IRF2: variants seen among roughly 807,000 people sequenced by gnomAD.
IRF2 encodes interferon regulatory factor 2.
A neutral mutation model predicts 40.6 loss-of-function variants in IRF2; 15 were observed. The observed-to-expected ratio is 0.37, with a 90% CI of 0.25 to 0.57. The LOEUF is 0.57. Ranked by LOEUF, IRF2 falls within the 20% of genes least tolerant of loss-of-function variation. IRF2 has a pLI of 0.77. For missense variants in IRF2, 317 were observed against 455.7 expected, an observed-to-expected ratio of 0.70 and a Z score of 2.77; for synonymous variants, 151 against 165.5, an observed-to-expected ratio of 0.91 and a Z score of 0.67.
At chr4:184,438,782 A>G (rs1388704297) in intron 1 of IRF2, among the ~76,000 whole-genome samples, 1 of 152,216 alleles carries the variant, frequency 6.6e-6, no homozygotes, top group Non-Finnish European at 1.5e-5. Context: ...GTAGAAATAA[A>G]ATGTACAAGA....
rs754190664 is a variant in IRF2, at chr4:184,419,580, A to AT, written c.88-13_88-12insA. 7 of 1,568,308 alleles carry AT rather than the reference A, an allele frequency of 4.5e-6. No individual in the cohort carries two copies. Among genetic ancestry groups the AT allele is most frequent in the Non-Finnish European group, 5.2e-6 (6 of 1,151,428 alleles). ...AAAATCTTCTTTTCCTGAAAAAAAA[A>AT]AAAAAAAAAAAGGTAAAGAACTGGA... is the stretch of plus-strand genomic sequence containing the variant. On this transcript the variant is annotated splice_polypyrimidine_tract_variant and intron_variant, in intron 2 of 8. Transcript: ENST00000393593.
intron 5 of IRF2, among the ~76,000 whole-genome samples, chr4:184,416,594 A>G (rs1737285257): frequency 6.6e-6 from 1 of 152,314 alleles, no homozygotes; most frequent in African/African-American, 2.4e-5. Context: ...TTGAGAAATT[A>G]CTGTGAACTT....
intron 1 of IRF2, among the ~76,000 whole-genome samples, chr4:184,450,345 A>G (rs752136852): frequency 1.7e-4 from 26 of 152,312 alleles, no homozygotes; most frequent in Admixed American, 3.3e-4. Context: ...AGTTATTTCA[A>G]TCTTTGGAAT....
rs764746702 is a variant in IRF2 at position 184,413,083 on chromosome 4, C to A, written c.412-4808G>T. Among the ~76,000 whole-genome samples, 4 of 152,214 alleles carry A rather than the reference C, an allele frequency of 2.6e-5. No individual in the cohort carries two copies. Among genetic ancestry groups the A allele is most frequent in the Admixed American group, 6.5e-5 (1 of 15,284 alleles). On this transcript the variant is annotated intron_variant, in intron 5 of 8. Transcript: ENST00000393593. This position sits in a 1 kb window ranked among gnomAD's most constrained non-coding sequence, Gnocchi z 4.2. The stretch of plus-strand genomic sequence containing the variant: ...AAAACGCCGGGGCCTCCTCTTTAGG[C>A]CGCTCTTATCTGCATCCTCCGTACC...
At chr4:184,412,934 C>T (rs899643523) in intron 5 of IRF2, among the ~76,000 whole-genome samples, 1 of 152,218 alleles carries the variant, frequency 6.6e-6, no homozygotes, top group Non-Finnish European at 1.5e-5. Flanking sequence ...AAGTGCTGTA[C>T]CCTCCAACTT....
chr4:184,435,455 C>G (rs906554901), intron 1 of IRF2, among the ~76,000 whole-genome samples: 5 of 152,120 alleles, frequency 3.3e-5, no homozygotes. Context: ...GGTAATGGTA[C>G]AGTAGGTAAT....
rs555880461 is a variant in IRF2 at position 184,423,423 on chromosome 4, G to A, written c.88-3855C>T. 3.3e-5 allele frequency among the ~76,000 whole-genome samples: 5 copies of A among 152,318 alleles called. No homozygotes were observed. In the East Asian group the frequency reaches 9.6e-4, roughly 29 times the overall value. ...TTGGCCCCACATGGAAACTAGTTCT[G>A]TTATCTCCTCTGCCTCTTCTTCCCC... On this transcript the variant is annotated intron_variant, in intron 2 of 8. Transcript: ENST00000393593.
intron 1 of IRF2, among the ~76,000 whole-genome samples, chr4:184,445,654 C>T (rs78049096): frequency 8.3e-5 from 10 of 120,890 alleles, no homozygotes; most frequent in African/African-American, 3.7e-4. Context: ...GACTCCATCA[C>T]AAAAAAAAAA....
At chr4:184,417,631 G>C (rs1206073547) in intron 5 of IRF2, among the ~76,000 whole-genome samples, 2 of 152,210 alleles carry the variant, frequency 1.3e-5, no homozygotes, top group Admixed American at 1.3e-4. Context: ...GAAAACCCTT[G>C]TGGGGTGTGA....
At chr4:184,422,420 A>C (rs186659461) in intron 2 of IRF2, among the ~76,000 whole-genome samples, 2 of 152,356 alleles carry the variant, frequency 1.3e-5, no homozygotes, top group African/African-American at 4.8e-5. Context: ...ATGATCCAGG[A>C]ATTTTACACC....
rs1736948904 is a variant in IRF2, at chr4:184,408,553, G to T, written c.412-278C>A. ...GAAATGCTTCCACCTGCAGACAATAGCTTTGGGGCTACGCAGAGCTGCATC... is the reference window on the plus strand; with the variant it reads ...GAAATGCTTCCACCTGCAGACAATATCTTTGGGGCTACGCAGAGCTGCATC... On this transcript the variant is annotated intron_variant, in intron 5 of 8. Transcript: ENST00000393593. This position sits in a 1 kb window ranked among gnomAD's most constrained non-coding sequence, Gnocchi z 4.9. Among the ~76,000 whole-genome samples the T allele has an allele frequency of 6.6e-6, 1 of 152,212 alleles. No homozygotes were observed. Among genetic ancestry groups the T allele is most frequent in the African/African-American group, 2.4e-5 (1 of 41,454 alleles).
chr4:184,433,304 ACT>A (rs1737957521), intron 1 of IRF2, among the ~76,000 whole-genome samples: 1 of 152,142 alleles, frequency 6.6e-6, no homozygotes, highest in Non-Finnish European at 1.5e-5. Context: ...CTTGGGTCAC[ACT>A]CTGAGAAGCA....
chr4:184,435,445 G>C (rs141797252), intron 1 of IRF2, among the ~76,000 whole-genome samples: 1 of 152,260 alleles, frequency 6.6e-6, no homozygotes, highest in East Asian at 1.9e-4. Context: ...TGGTGCTTCT[G>C]GTAATGGTAC....
intron 7 of IRF2, among the ~76,000 whole-genome samples, chr4:184,395,584 A>G (rs1736425117): frequency 6.6e-6 from 1 of 152,224 alleles, no homozygotes; most frequent in African/African-American, 2.4e-5. Flanking sequence ...AGCATGTTAT[A>G]CAATTTCTGA....
At chr4:184,393,863 T>C (rs1220815385) in intron 7 of IRF2, among the ~76,000 whole-genome samples, 2 of 152,080 alleles carry the variant, frequency 1.3e-5, no homozygotes, top group African/African-American at 4.8e-5. Flanking sequence ...TCCAAGTGCT[T>C]TGTTGGATGC....
chr4:184,429,157 T>G, intron 1 of IRF2, 87 bp from the exon 2 acceptor site: 3 of 799,194 alleles, frequency 3.8e-6, no homozygotes, highest in Non-Finnish European at 6.1e-6. Context: ...CCTGACTCTT[T>G]CCTTCTCTCC....
chr4:184,432,889 G>A (rs1233640408), intron 1 of IRF2, among the ~76,000 whole-genome samples: 1 of 152,180 alleles, frequency 6.6e-6, no homozygotes, highest in Admixed American at 6.5e-5. Flanking sequence ...CTGATGCCTT[G>A]ATCTGAGACT....
At chr4:184,426,583 G>A (rs536089619) in intron 2 of IRF2, among the ~76,000 whole-genome samples, 100 of 152,302 alleles carry the variant, frequency 6.6e-4, no homozygotes, top group African/African-American at 2.4e-3. Flanking sequence ...CACAGGTTCT[G>A]GAGGTTAGGA....
intron 6 of IRF2, among the ~76,000 whole-genome samples, chr4:184,399,749 A>G (rs1199496472): frequency 6.6e-6 from 1 of 152,204 alleles, no homozygotes. Context: ...GCACAATGGA[A>G]TAGAGTCAGA....
Sources: allele counts gnomAD v4.1 joint callset (sites outside exome capture counted in the v4.1 genomes callset), GRCh38; gene constraint gnomAD v4.1.1; non-coding constraint Gnocchi (gnomAD v3.1); transcripts MANE v1.5; gene names NCBI Gene and HGNC (gene_info 2026-07-23, HGNC 2026-07-21).